The following PLCG2 variants were observed in gnomAD, a reference collection of about 807,000 sequenced individuals.
PLCG2 encodes phospholipase C gamma 2.
A neutral mutation model predicts 175.6 loss-of-function variants in PLCG2; 69 were observed. The ratio of observed to expected loss-of-function variants is 0.39; its 90% confidence interval spans 0.32 to 0.48. PLCG2 has a LOEUF of 0.48. Among genes scored for constraint, PLCG2 ranks in the 20% least tolerant of loss-of-function variants. PLCG2 has a pLI of 0.91. For missense variants in PLCG2, 1,798 were observed against 1,650.9 expected (o/e 1.09, Z -1.54); for synonymous variants, 827 against 624.0 (o/e 1.33, Z -4.85).
At chr16:81,776,296 A>T (rs1910404715), upstream of PLCG2, among the ~76,000 whole-genome samples, 1 of 151,124 alleles carries the variant, frequency 6.6e-6, no homozygotes, top group African/African-American at 2.4e-5. Context: ...TTTTCAGTAG[A>T]GACGGGTTTT....
chr16:81,783,530 G>GGGGCTT (rs1910837990), intron 1 of PLCG2, among the ~76,000 whole-genome samples: 1 of 152,224 alleles, frequency 6.6e-6, no homozygotes, highest in Non-Finnish European at 1.5e-5. Context: ...TTCTGGACTA[G>GGGGCTT]GGGCTTGGGA....
At chr16:81,834,844 C>G (rs1223608424) in intron 2 of PLCG2, among the ~76,000 whole-genome samples, 1 of 152,336 alleles carries the variant, frequency 6.6e-6, no homozygotes, top group East Asian at 1.9e-4. Context: ...TTATTTGTTC[C>G]TTTGGTCTTT....
intron 20 of PLCG2, among the ~76,000 whole-genome samples, chr16:81,920,939 G>A (rs986540405): frequency 1.3e-5 from 2 of 152,180 alleles, no homozygotes; most frequent in African/African-American, 4.8e-5. Context: ...TAGGATTTGT[G>A]CTTTTACAAA....
intron 7 of PLCG2, among the ~76,000 whole-genome samples, chr16:81,879,229 G>A (rs1372329811): frequency 1.3e-5 from 2 of 152,180 alleles, no homozygotes; most frequent in African/African-American, 2.4e-5. Context: ...CTTTGGGCTT[G>A]GAAGTGTTCT....
intron 30 of PLCG2, among the ~76,000 whole-genome samples, chr16:81,940,944 A>G (rs1373972786): frequency 6.6e-6 from 1 of 152,148 alleles, no homozygotes; most frequent in Admixed American, 6.5e-5. Flanking sequence ...TGCATGGTGC[A>G]TGAGATATGA....
At chr16:81,813,572 A>G (rs1337426113) in intron 2 of PLCG2, among the ~76,000 whole-genome samples, 3 of 152,210 alleles carry the variant, frequency 2.0e-5, no homozygotes, top group Non-Finnish European at 2.9e-5. Flanking sequence ...TTTTTCTATA[A>G]CAGTGTAAAA....
intron 26 of PLCG2, chr16:81,935,823 ATCT>A: frequency 1.0e-6 from 1 of 985,188 alleles, no homozygotes; most frequent in Non-Finnish European, 1.2e-6. Context: ...CCCTCCCAAG[ATCT>A]TCTCCTACCC....
intron 2 of PLCG2, among the ~76,000 whole-genome samples, chr16:81,789,347 A>T (rs1336247608): frequency 1.3e-5 from 2 of 152,214 alleles, no homozygotes; most frequent in South Asian, 4.1e-4. Context: ...CTAGAGAGCA[A>T]TGGCCTGATC....
At chr16:81,926,213 G>A (rs1054817434) in intron 22 of PLCG2, among the ~76,000 whole-genome samples, 4 of 152,220 alleles carry the variant, frequency 2.6e-5, no homozygotes, top group African/African-American at 9.6e-5. Flanking sequence ...GTGATGTCTG[G>A]GAGTCCTGGG....
upstream of PLCG2, among the ~76,000 whole-genome samples, chr16:81,774,818 G>T (rs1910364705): frequency 6.6e-6 from 1 of 151,246 alleles, no homozygotes; most frequent in Non-Finnish European, 1.5e-5. Context: ...TCGGCTCACT[G>T]CCTGCAACCT....
intron 2 of PLCG2, among the ~76,000 whole-genome samples, chr16:81,828,392 C>G (rs1905130701): frequency 6.6e-6 from 1 of 151,714 alleles, no homozygotes; most frequent in African/African-American, 2.4e-5. Flanking sequence ...TGCCTGCCAC[C>G]ACGCCCGGCT....
chr16:81,784,231 C>G lies in PLCG2; in HGVS notation c.-47-1712C>G, dbSNP rs531244751. On this transcript the variant is annotated intron_variant, in intron 1 of 32. Transcript: ENST00000564138. ...ATCCTGGGCCCCTCCCCATTCCCCT[C>G]ATTTGCATCCTAGTCCCCACCTCAG... is the stretch of plus-strand genomic sequence containing the variant. Among the ~76,000 whole-genome samples the G allele has an allele frequency of 4.6e-5, 7 of 152,322 alleles. No individual in the cohort carries two copies. The East Asian group carries it at 5.8e-4, about 13-fold the overall frequency.
chr16:81,961,003 A>G lies in PLCG2; in HGVS notation c.*3005A>G, dbSNP rs1345131863. On this transcript the variant is annotated 3_prime_UTR_variant, in exon 33 of 33. Transcript: ENST00000564138. ...TACTGTAGAGCATGTCCCAAGGTGTAAAAATTCAAAATGTGGATATTTGGA... is the reference window on the plus strand; with the variant it reads ...TACTGTAGAGCATGTCCCAAGGTGTGAAAATTCAAAATGTGGATATTTGGA... 4.3e-6 allele frequency: 1 copy of G among 230,298 alleles called. No homozygotes were observed. Among genetic ancestry groups the G allele is most frequent in the East Asian group, 6.2e-5 (1 of 16,152 alleles). 14.3% of individuals were successfully genotyped at this position (230,298 alleles called of 1,614,324 possible).
intron 2 of PLCG2, among the ~76,000 whole-genome samples, chr16:81,849,771 C>CAAAAAAAAAAA (rs34130863): frequency 2.4e-5 from 2 of 83,152 alleles, no homozygotes; most frequent in Non-Finnish European, 2.1e-5. Context: ...AACTCTGTCT[C>CAAAAAAAAAAA]AAAAAAAAAA....
chr16:81,936,894 C>T (rs763732564), intron 27 of PLCG2, among the ~76,000 whole-genome samples: 2 of 152,154 alleles, frequency 1.3e-5, no homozygotes, highest in African/African-American at 2.4e-5. Flanking sequence ...ATAGCCACAT[C>T]GGATTCCACA....
At chr16:81,953,768 G>C (rs1023444796) in intron 31 of PLCG2, among the ~76,000 whole-genome samples, 15 of 152,168 alleles carry the variant, frequency 9.9e-5, no homozygotes, top group African/African-American at 3.1e-4. Context: ...TTCTGAATGT[G>C]CATTATATCT....
chr16:81,759,046 A>G (rs185483193), intron 2 of PLCG2, among the ~76,000 whole-genome samples: 36 of 152,326 alleles, frequency 2.4e-4, no homozygotes, highest in African/African-American at 7.0e-4. Flanking sequence ...GTTTTAATTT[A>G]CATTTCCCAG....
At chr16:81,923,286 G>A (rs930239029) in intron 21 of PLCG2, 199 bp from the exon 22 acceptor site, 10 of 547,664 alleles carry the variant, frequency 1.8e-5, no homozygotes, top group African/African-American at 1.5e-4. Context: ...GACTAGGCCA[G>A]TTCTCCTTCA....
chr16:81,795,676 A>G (rs1288178752), intron 2 of PLCG2, among the ~76,000 whole-genome samples: 1 of 151,864 alleles, frequency 6.6e-6, no homozygotes, highest in Non-Finnish European at 1.5e-5. Flanking sequence ...CCTGAAGTGG[A>G]TGTACCTGTT....
Sources: allele counts gnomAD v4.1 joint callset (sites outside exome capture counted in the v4.1 genomes callset), GRCh38; gene constraint gnomAD v4.1.1; transcripts MANE v1.5; gene names NCBI Gene and HGNC (gene_info 2026-07-23, HGNC 2026-07-21).